ZNF362: variants seen among roughly 807,000 people sequenced by gnomAD.
ZNF362 encodes the protein rotund homolog.
ZNF362 carries 11 observed loss-of-function variants against 42.9 expected under a neutral mutation model. That is an observed-to-expected ratio of 0.26 (90% CI 0.16 to 0.42). The LOEUF is 0.42. Among genes scored for constraint, ZNF362 ranks in the 20% least tolerant of loss-of-function variants. The probability of loss-of-function intolerance (pLI) is 1.00; values close to 1 mark genes in which losing one functional copy is unlikely to be tolerated. For missense variants in ZNF362, 362 were observed against 576.2 expected, an observed-to-expected ratio of 0.63 and a Z score of 3.81; for synonymous variants, 255 against 257.3, an observed-to-expected ratio of 0.99 and a Z score of 0.09.
chr1:33,138,288 C>T, the ZNF362 span, among the ~76,000 whole-genome samples: 1 of 152,072 alleles, frequency 6.6e-6, no homozygotes, highest in Non-Finnish European at 1.5e-5. Flanking sequence ...CATGGAATAA[C>T]AATCTTTTAT....
At chr1:33,190,316 A>C in the ZNF362 span, among the ~76,000 whole-genome samples, 58 of 152,178 alleles carry the variant, frequency 3.8e-4, no homozygotes, top group Non-Finnish European at 6.9e-4. Flanking sequence ...TGAGTTTCTG[A>C]CTTTGCTGCC....
the ZNF362 span, among the ~76,000 whole-genome samples, chr1:33,189,716 TATAC>T: frequency 7.8e-6 from 1 of 128,184 alleles, no homozygotes; most frequent in Non-Finnish European, 1.6e-5. Flanking sequence ...TACGTATATA[TATAC>T]ATACACACAT....
the ZNF362 span, chr1:33,147,184 C>T: frequency 1.6e-5 from 26 of 1,613,122 alleles, no homozygotes; most frequent in African/African-American, 2.7e-5. This position sits in a 1 kb window ranked among gnomAD's most constrained non-coding sequence, Gnocchi z 8.1. Context: ...GGACTAGATG[C>T]GGACGGTGTT....
chr1:33,218,204 G>T, the ZNF362 span, among the ~76,000 whole-genome samples: 1 of 152,172 alleles, frequency 6.6e-6, no homozygotes, highest in African/African-American at 2.4e-5. Flanking sequence ...ACTTTGGAAG[G>T]CCAAGGTGGG....
the ZNF362 span, among the ~76,000 whole-genome samples, chr1:33,152,691 T>G: frequency 6.6e-6 from 1 of 152,050 alleles, no homozygotes; most frequent in Non-Finnish European, 1.5e-5. Flanking sequence ...AAACAAATAA[T>G]TTAATCTGCA....
intron 1 of ZNF362, 83 bp downstream of exon 1, chr1:33,256,737 G>A (rs1283757758): frequency 6.9e-6 from 1 of 145,776 alleles, no homozygotes; most frequent in Admixed American, 6.8e-5. Flanking sequence ...CGAGTTGCGG[G>A]CGGGGGCCGG....
At chr1:33,152,850 G>A in the ZNF362 span, among the ~76,000 whole-genome samples, 3 of 152,150 alleles carry the variant, frequency 2.0e-5, no homozygotes, top group African/African-American at 4.8e-5. Flanking sequence ...AGCAGGGGGC[G>A]GGGAGAGCAG....
At chr1:33,175,448 A>G in the ZNF362 span, among the ~76,000 whole-genome samples, 1 of 152,186 alleles carries the variant, frequency 6.6e-6, no homozygotes, top group East Asian at 1.9e-4. Flanking sequence ...GGTAAATGGT[A>G]CTGGGAAAAC....
rs752377856 is a variant in ZNF362, at chr1:33,281,701, C to T, written c.798C>T (p.Asn266=). The change falls in exon 6 of 9, where the codon AAC becomes AAT. Residue 266 remains asparagine (N), a synonymous_variant. Transcript: ENST00000539719. This position sits in a 1 kb window ranked among gnomAD's most constrained non-coding sequence, Gnocchi z 4.8. Reference sequence around the variant, plus strand: ...CGCACTGCTCCAAGTCCTTTGCCAACGCCTCCTACCTGGCCCAGCACCTGC... The same window carrying T: ...CGCACTGCTCCAAGTCCTTTGCCAATGCCTCCTACCTGGCCCAGCACCTGC... The part of the protein sequence containing the change: ...KCPHCSKSFA[N]ASYLAQHLRI... 2.1e-5 allele frequency: 34 copies of T among 1,614,142 alleles called. No homozygotes were observed. Among genetic ancestry groups the T allele is most frequent in the Admixed American group, 8.3e-5 (5 of 60,016 alleles).
At chr1:33,176,312 T>C in the ZNF362 span, 1 of 602,046 alleles carries the variant, frequency 1.7e-6, no homozygotes, top group East Asian at 2.9e-5. Flanking sequence ...CCCCCTCTCC[T>C]GGAAGAAACC....
At chr1:33,291,832 A>C (rs1410906651) in intron 6 of ZNF362, among the ~76,000 whole-genome samples, 3 of 152,176 alleles carry the variant, frequency 2.0e-5, no homozygotes, top group Admixed American at 6.5e-5. Context: ...TCTTTGAAGC[A>C]ATTGTGAATG....
chr1:33,147,473 T>C, the ZNF362 span: 2 of 1,613,938 alleles, frequency 1.2e-6, no homozygotes, highest in Non-Finnish European at 1.7e-6. This position sits in a 1 kb window ranked among gnomAD's most constrained non-coding sequence, Gnocchi z 8.1. Flanking sequence ...TGGATCTGGA[T>C]GCTGCCCTTG....
chr1:33,207,038 T>C, the ZNF362 span, among the ~76,000 whole-genome samples: 4 of 152,248 alleles, frequency 2.6e-5, no homozygotes, highest in East Asian at 7.7e-4. Context: ...GCCATGTTGG[T>C]TTGCTGCACC....
the ZNF362 span, chr1:33,146,055 C>T: frequency 2.7e-6 from 1 of 364,544 alleles, no homozygotes. Context: ...AGCTTTCTGG[C>T]ATAGTGGCTT....
the ZNF362 span, among the ~76,000 whole-genome samples, chr1:33,150,332 C>T: frequency 6.6e-6 from 1 of 152,320 alleles, no homozygotes; most frequent in South Asian, 2.1e-4. Context: ...CACTGATGTG[C>T]AGAAATAAGA....
intron 6 of ZNF362, among the ~76,000 whole-genome samples, chr1:33,284,700 AT>A (rs1646019624): frequency 6.6e-6 from 1 of 152,198 alleles, no homozygotes; most frequent in African/African-American, 2.4e-5. Flanking sequence ...AGTTTATTGA[AT>A]ACAGCCTCCT....
chr1:33,214,703 T>G, the ZNF362 span, among the ~76,000 whole-genome samples: 443 of 152,296 alleles, frequency 2.9e-3, 1 homozygote, highest in African/African-American at 9.0e-3. Context: ...TAGATATTTC[T>G]CCAAAGAAGA....
chr1:33,255,907 C>T (rs1346107905), upstream of ZNF362, among the ~76,000 whole-genome samples: 1 of 151,938 alleles, frequency 6.6e-6, no homozygotes, highest in East Asian at 2.0e-4. Flanking sequence ...TCGGCCTGGT[C>T]AGGGCCGTGG....
chr1:33,210,365 T>C, the ZNF362 span, among the ~76,000 whole-genome samples: 3 of 152,186 alleles, frequency 2.0e-5, no homozygotes, highest in Non-Finnish European at 2.9e-5. Context: ...AATTTTAGAA[T>C]AAGTGCAATG....
Sources: gnomAD v4.1 joint callset for allele counts (sites outside exome capture counted in the v4.1 genomes callset) on GRCh38, gnomAD v4.1.1 for gene constraint, Gnocchi (gnomAD v3.1) non-coding constraint, MANE v1.5 for transcripts, NCBI Gene and HGNC (gene_info 2026-07-23, HGNC 2026-07-21) for gene names.